The following STOX1 variants were observed in gnomAD, a reference collection of about 807,000 sequenced individuals.
STOX1 encodes storkhead box 1.
In STOX1, 57 loss-of-function variants were observed where a neutral mutation model predicts 74.8. The observed-to-expected ratio is 0.76, with a 90% confidence interval of 0.62 to 0.95. The LOEUF (loss-of-function observed/expected upper bound fraction) is 0.95. STOX1 is among the 40% of genes least tolerant of loss of function. The probability of loss-of-function intolerance (pLI) is 0.00; values close to 1 mark genes in which losing one functional copy is unlikely to be tolerated. For synonymous variants in STOX1, 375 were observed against 401.3 expected (o/e 0.93, Z 0.78); for missense variants, 1,010 against 1,117.0 (o/e 0.90, Z 1.37).
chr10:68,872,481 G>T (rs1396796074), intron 1 of STOX1, among the ~76,000 whole-genome samples: 1 of 151,708 alleles, frequency 6.6e-6, no homozygotes, highest in African/African-American at 2.4e-5. Context: ...GTGTGGCTGG[G>T]ATCACAGGCA....
intron 1 of STOX1, among the ~76,000 whole-genome samples, chr10:68,855,524 G>A (rs1019890701): frequency 8.6e-5 from 13 of 151,682 alleles, no homozygotes; most frequent in Admixed American, 5.9e-4. Context: ...CTGCGGCCTC[G>A]ACCTCCCCAG....
intron 1 of STOX1, chr10:68,828,333 G>A: frequency 9.3e-7 from 1 of 1,074,830 alleles, no homozygotes; most frequent in South Asian, 4.4e-5. Flanking sequence ...GCTCCGCGCT[G>A]CAGGGGCGAG....
At chr10:68,838,382 A>G (rs1263695453) in intron 1 of STOX1, among the ~76,000 whole-genome samples, 1 of 151,842 alleles carries the variant, frequency 6.6e-6, no homozygotes, top group African/African-American at 2.4e-5. Flanking sequence ...TCCTTTTTGG[A>G]TAGTTTATTG....
intron 3 of STOX1, among the ~76,000 whole-genome samples, chr10:68,887,308 G>A (rs1322709679): frequency 1.3e-5 from 2 of 152,150 alleles, no homozygotes; most frequent in African/African-American, 2.4e-5. Context: ...TTGAGATGGA[G>A]TTTTGTTCTT....
At chr10:68,880,021 C>T (rs1368252634) in intron 1 of STOX1, among the ~76,000 whole-genome samples, 1 of 152,108 alleles carries the variant, frequency 6.6e-6, no homozygotes, top group Non-Finnish European at 1.5e-5. Flanking sequence ...TATCTCACCC[C>T]AAATGTCAAA....
intron 1 of STOX1, among the ~76,000 whole-genome samples, chr10:68,833,496 G>C (rs1839463906): frequency 6.6e-6 from 1 of 152,138 alleles, no homozygotes; most frequent in Non-Finnish European, 1.5e-5. Context: ...TCCCTTTTAA[G>C]GGCTCACAAC....
chr10:68,841,137 C>A (rs1003839122), intron 1 of STOX1, among the ~76,000 whole-genome samples: 1 of 151,448 alleles, frequency 6.6e-6, no homozygotes, highest in Non-Finnish European at 1.5e-5. Flanking sequence ...AGTAGAGACG[C>A]GGTTTCACCA....
rs1041585341 is a variant in STOX1 at position 68,827,699 on chromosome 10, G to A, written c.76G>A (p.Gly26Arg). Residue 26 changes from glycine (G) to arginine (R), a missense_variant, in exon 1 of 4, where the codon GGG (glycine) becomes AGG (arginine). Coordinates refer to ENST00000298596, the MANE Select transcript of STOX1 (RefSeq NM_152709.5). ...CCGGCTGGAGGCGCAGAAGGCGGCG[G>A]GGGCCGCGGAGGAGCCTGGTGGGCG... ...LCRLEAQKAAGAAEEPGGRAV... is the reference protein window; with the variant it reads ...LCRLEAQKAARAAEEPGGRAV... 91 of 949,438 alleles carry A rather than the reference G, an allele frequency of 9.6e-5. No homozygotes were observed. Among genetic ancestry groups the A allele is most frequent in the Non-Finnish European group, 1.2e-4 (88 of 763,796 alleles). 58.8% of individuals were successfully genotyped at this position (949,438 alleles called of 1,614,324 possible). A position where few individuals can be genotyped will look rare whatever the true frequency, so the allele number is the denominator to read the frequency against.
chr10:68,866,917 T>C (rs1201624152), intron 1 of STOX1, among the ~76,000 whole-genome samples: 1 of 151,198 alleles, frequency 6.6e-6, no homozygotes, highest in East Asian at 1.9e-4. Context: ...AAATTTAGAA[T>C]GACACTGATT....
At chr10:68,873,370 C>T (rs1381237034) in intron 1 of STOX1, among the ~76,000 whole-genome samples, 6 of 149,212 alleles carry the variant, frequency 4.0e-5, no homozygotes, top group African/African-American at 7.4e-5. Context: ...ACGCCATTCT[C>T]CTGCCTCAGC....
chr10:68,859,599 C>G (rs2133556309), intron 1 of STOX1, among the ~76,000 whole-genome samples: 1 of 152,148 alleles, frequency 6.6e-6, no homozygotes, highest in South Asian at 2.1e-4. Context: ...TAATCAAGCC[C>G]TTAGCAAGAC....
chr10:68,841,544 T>G (rs1225635539), intron 1 of STOX1, among the ~76,000 whole-genome samples: 1 of 152,216 alleles, frequency 6.6e-6, no homozygotes, highest in Non-Finnish European at 1.5e-5. Flanking sequence ...AAACAAATTT[T>G]CTTAAGTCAT....
intron 1 of STOX1, among the ~76,000 whole-genome samples, chr10:68,848,957 A>G (rs1470520147): frequency 6.6e-6 from 1 of 152,178 alleles, no homozygotes; most frequent in African/African-American, 2.4e-5. Context: ...GGCATGAGCC[A>G]CCGTGCCTGA....
At chr10:68,840,562 A>ATTTATTTATTTT in intron 1 of STOX1, among the ~76,000 whole-genome samples, 1 of 151,124 alleles carries the variant, frequency 6.6e-6, no homozygotes, top group African/African-American at 2.4e-5. Context: ...TTATTTATTT[A>ATTTATTTATTTT]TTTTTGTTTC....
At chr10:68,840,563 T>TTTATTTAC (rs766653228) in intron 1 of STOX1, among the ~76,000 whole-genome samples, 8 of 151,492 alleles carry the variant, frequency 5.3e-5, no homozygotes, top group Admixed American at 1.3e-4. Flanking sequence ...TATTTATTTA[T>TTTATTTAC]TTTTGTTTCT....
At chr10:68,835,829 C>G (rs1048782657) in intron 1 of STOX1, among the ~76,000 whole-genome samples, 3 of 152,188 alleles carry the variant, frequency 2.0e-5, no homozygotes, top group Non-Finnish European at 4.4e-5. Flanking sequence ...TTTAAAGTTT[C>G]CAGATGACCC....
At chr10:68,859,435 T>TCATCTCAAAGCTTCTGCATCC (rs1840207368) in intron 1 of STOX1, among the ~76,000 whole-genome samples, 1 of 152,134 alleles carries the variant, frequency 6.6e-6, no homozygotes, top group Admixed American at 6.5e-5. Flanking sequence ...CTTCTGCATC[T>TCATCTCAAAGCTTCTGCATCC]CATCTCAAAG....
At position 68,885,716 on chromosome 10, in the gene STOX1, T is replaced by TCTG. The variant is rs777700001; in HGVS notation, c.1922_1924dup (p.Leu641dup). ...GGGAGACCAAACAGACTCCGCATAGTCTGCCATCACGAGGTGCCTCCTTTT... is the reference window on the plus strand; with the variant it reads ...GGGAGACCAAACAGACTCCGCATAGTCTGCTGCCATCACGAGGTGCCTCCTTTT... On this transcript the variant is annotated inframe_insertion, in exon 3 of 4. Coordinates refer to ENST00000298596, the MANE Select transcript of STOX1 (RefSeq NM_152709.5). The TCTG allele has an allele frequency of 6.2e-7, 1 of 1,614,150 alleles. No homozygotes were observed. The highest frequency in any genetic ancestry group is 1.1e-5 in the South Asian group (1 of 91,090).
At position 68,889,142 on chromosome 10, in the gene STOX1, A is replaced by C. The variant is rs865852247; in HGVS notation, c.2822+2524A>C. Among the ~76,000 whole-genome samples the C allele has an allele frequency of 3.3e-5, 5 of 151,484 alleles. No homozygotes were observed. The Middle Eastern group carries it at 0.017, about 522-fold the overall frequency. On this transcript the variant is annotated intron_variant, in intron 3 of 3. Coordinates refer to ENST00000298596, the MANE Select transcript of STOX1 (RefSeq NM_152709.5). ...ATTATAGGCACATGCTACTATACCC[A>C]GCTAATTTTTTGTAGAGATGAGGTT...
Sources: gnomAD v4.1 joint callset for allele counts (sites outside exome capture counted in the v4.1 genomes callset) on GRCh38, gnomAD v4.1.1 for gene constraint, MANE v1.5 for transcripts, NCBI Gene and HGNC (gene_info 2026-07-23, HGNC 2026-07-21) for gene names.